Variants in CLCF1 observed in about 807,000 individuals in gnomAD.
CLCF1 encodes the protein cardiotrophin-like cytokine factor 1.
CLCF1 carries 10 observed loss-of-function variants against 21.2 expected under a neutral mutation model. That is an observed-to-expected ratio of 0.47 (90% CI 0.29 to 0.80). The LOEUF (loss-of-function observed/expected upper bound fraction) is 0.80, where lower values mean the gene tolerates loss of function less well. Among genes scored for constraint, CLCF1 ranks in the 30% least tolerant of loss-of-function variants. The probability of loss-of-function intolerance (pLI) is 0.09; values close to 1 mark genes in which losing one functional copy is unlikely to be tolerated. For missense variants in CLCF1, 240 were observed against 293.4 expected (o/e 0.82, Z 1.33); for synonymous variants, 115 against 120.5 (o/e 0.95, Z 0.30).
intron 1 of CLCF1, among the ~76,000 whole-genome samples, chr11:67,371,719 G>A (rs1441566392): frequency 6.6e-6 from 1 of 152,112 alleles, no homozygotes; most frequent in African/African-American, 2.4e-5. Context: ...TGGGTGAATT[G>A]GAAAGGGTGT....
At chr11:67,368,556 G>C (rs1862164782) in intron 1 of CLCF1, 1 of 985,270 alleles carries the variant, frequency 1.0e-6, no homozygotes, top group Non-Finnish European at 1.2e-6. Context: ...TTTTAAGTGA[G>C]GACCAAGGTG....
Position 67,365,697 on chromosome 11 carries a change from C to A in CLCF1, c.184-67G>T. On this transcript the variant is annotated intron_variant, in intron 2 of 2. Transcript: ENST00000312438. The surrounding 1 kb of genome is among the most constrained non-coding windows in gnomAD (Gnocchi z 5.0). ...CCGCTGGCTCACCACCAAGGAGATACCTGCTCCCAAAGTTTCTATTTTTTG... is the reference window on the plus strand; with the variant it reads ...CCGCTGGCTCACCACCAAGGAGATAACTGCTCCCAAAGTTTCTATTTTTTG... 1 of 1,522,906 alleles carries A rather than the reference C, an allele frequency of 6.6e-7. No homozygotes were observed. Among genetic ancestry groups the A allele is most frequent in the South Asian group, 1.3e-5 (1 of 76,008 alleles). The allele number at this position is 1,522,906 out of a possible 1,614,324, so 94.3% of individuals were successfully genotyped here.
intron 1 of CLCF1, chr11:67,370,365 G>A (rs2134893039): frequency 1.3e-5 from 13 of 985,166 alleles, no homozygotes; most frequent in Non-Finnish European, 1.4e-5. Context: ...CTGGGGCTGT[G>A]TCCTAGGTCC....
At chr11:67,371,380 A>G (rs965665020) in intron 1 of CLCF1, among the ~76,000 whole-genome samples, 3 of 152,160 alleles carry the variant, frequency 2.0e-5, no homozygotes, top group East Asian at 3.9e-4. Context: ...TGCAAGCTCA[A>G]TTCCTCCTAG....
intron 1 of CLCF1, chr11:67,370,575 G>A (rs1426868247): frequency 2.2e-6 from 2 of 918,656 alleles, no homozygotes; most frequent in African/African-American, 9.5e-5. Flanking sequence ...ATTCCATCCA[G>A]ATCCCTGGGC....
At chr11:67,373,430 G>C (rs913832063) in intron 1 of CLCF1, 94 bp downstream of exon 1, 2 of 670,700 alleles carry the variant, frequency 3.0e-6, no homozygotes, top group African/African-American at 3.8e-5. Flanking sequence ...CCCGGCCCCG[G>C]CGCGGGGCTC....
At chr11:67,370,167 T>A in intron 1 of CLCF1, 1 of 985,416 alleles carries the variant, frequency 1.0e-6, no homozygotes, top group Non-Finnish European at 1.2e-6. Flanking sequence ...GCTTCCACTC[T>A]GGGCAAAGCC....
chr11:67,372,948 G>GCGGCT lies in CLCF1; in HGVS notation c.16+571_16+575dup, dbSNP rs1178005853. 6.7e-6 allele frequency among the ~76,000 whole-genome samples: 1 copy of GCGGCT among 149,846 alleles called. No individual in the cohort carries two copies. The highest frequency in any genetic ancestry group is 2.0e-4 in the East Asian group (1 of 4,964). ...GCTAGGAAGCCGCGAGTCCCGCGGC[G>GCGGCT]CGGCTCGGCCCGTCCGGCCCGGCCC... On this transcript the variant is annotated intron_variant, in intron 1 of 2. Transcript: ENST00000312438. The surrounding 1 kb of genome is among the most constrained non-coding windows in gnomAD (Gnocchi z 5.9).
At chr11:67,367,699 G>T (rs1281419986) in intron 1 of CLCF1, 73 bp from the exon 2 acceptor site, 2 of 1,562,742 alleles carry the variant, frequency 1.3e-6, no homozygotes, top group African/African-American at 2.7e-5. Context: ...AGCCCCTCAG[G>T]TGTCTGTCCC....
At chr11:67,368,080 GAGCT>G in intron 1 of CLCF1, 1 of 985,442 alleles carries the variant, frequency 1.0e-6, no homozygotes, top group Non-Finnish European at 1.2e-6. Context: ...GCACATGTCA[GAGCT>G]GGCAGGCTGA....
At chr11:67,368,684 G>C in intron 1 of CLCF1, 2 of 985,374 alleles carry the variant, frequency 2.0e-6, no homozygotes, top group Non-Finnish European at 2.4e-6. Context: ...TTTCAGATTA[G>C]TTTAGACTTG....
chr11:67,368,912 C>CTTTTTTTTTTTTTTTTT (rs10666079), intron 1 of CLCF1: 1 of 561,548 alleles, frequency 1.8e-6, no homozygotes, highest in Non-Finnish European at 2.1e-6. Flanking sequence ...TTTTTTTTTC[C>CTTTTTTTTTTTTTTTTT]TTTTTTTTTT....
At chr11:67,370,639 C>G (rs1590917129) in intron 1 of CLCF1, 1 of 983,200 alleles carries the variant, frequency 1.0e-6, no homozygotes, top group Non-Finnish European at 1.2e-6. Context: ...CACTCTCTCT[C>G]TCTTAGCCCA....
chr11:67,371,423 T>A (rs1177898478), intron 1 of CLCF1, among the ~76,000 whole-genome samples: 1 of 151,908 alleles, frequency 6.6e-6, no homozygotes, highest in Non-Finnish European at 1.5e-5. Flanking sequence ...TCTCCTCTCC[T>A]CTCCAGCATC....
intron 1 of CLCF1, chr11:67,370,564 A>G (rs1862209644): frequency 1.1e-6 from 1 of 910,960 alleles, no homozygotes. Flanking sequence ...GCCAGCCCCT[A>G]ATTCCATCCA....
Position 67,365,817 on chromosome 11 carries a change from C to G in CLCF1, c.184-187G>C, listed in dbSNP as rs1862083055. On this transcript the variant is annotated intron_variant, in intron 2 of 2. Transcript: ENST00000312438. The surrounding 1 kb of genome is among the most constrained non-coding windows in gnomAD (Gnocchi z 5.0). ...AAGGATATCATTTGTATGCAGGTGA[C>G]AGTTGAAGCAGTGGCGGTGGTGAGC... is the stretch of plus-strand genomic sequence containing the variant. Among the ~76,000 whole-genome samples the G allele has an allele frequency of 6.6e-6, 1 of 152,146 alleles. No individual in the cohort carries two copies. Among genetic ancestry groups the G allele is most frequent in the Admixed American group, 6.5e-5 (1 of 15,284 alleles).
chr11:67,367,242 G>A (rs1862130049), intron 2 of CLCF1, among the ~76,000 whole-genome samples: 1 of 152,176 alleles, frequency 6.6e-6, no homozygotes, highest in Admixed American at 6.5e-5. Flanking sequence ...CAAGGCGGGT[G>A]CGAGGCCTGC....
chr11:67,366,937 A>G (rs200686212), intron 2 of CLCF1, among the ~76,000 whole-genome samples: 4 of 150,120 alleles, frequency 2.7e-5, no homozygotes, highest in African/African-American at 9.8e-5. Flanking sequence ...CACACCCTAA[A>G]CCCCCTGCCA....
Position 67,365,228 on chromosome 11 carries a change from A to G in CLCF1, c.586T>C (p.Trp196Arg). The G allele has an allele frequency of 6.2e-7, 1 of 1,614,020 alleles. No homozygotes were observed. The highest frequency in any genetic ancestry group is 1.3e-5 in the African/African-American group (1 of 75,062). ...CGGTTGAAGTCCTTGGCCGAGCGCC[A>G]CAGCCAGGTCTGCAGCTCCTTCAGC... ...WLLKELQTWL[W>R]RSAKDFNRLK... Residue 196 changes from tryptophan to arginine, a missense_variant, in exon 3 of 3, where the codon TGG becomes CGG. Coordinates refer to ENST00000312438, the MANE Select transcript of CLCF1 (RefSeq NM_013246.3). This position sits in a 1 kb window ranked among gnomAD's most constrained non-coding sequence, Gnocchi z 5.0.
Sources: gnomAD v4.1 joint callset for allele counts (sites outside exome capture counted in the v4.1 genomes callset) on GRCh38, gnomAD v4.1.1 for gene constraint, Gnocchi (gnomAD v3.1) non-coding constraint, MANE v1.5 for transcripts, NCBI Gene and HGNC (gene_info 2026-07-23, HGNC 2026-07-21) for gene names.